The following CYP4X1 variants were observed in gnomAD, a reference collection of about 807,000 sequenced individuals.
The protein encoded by CYP4X1 is cytochrome P450 4X1.
In CYP4X1, 44 loss-of-function variants were observed where a neutral mutation model predicts 57.9. The observed-to-expected ratio is 0.76, with a 90% CI of 0.60 to 0.98. The LOEUF is 0.98. Among genes scored for constraint, CYP4X1 ranks in the 50% least tolerant of loss-of-function variants. The pLI is 0.00. For missense variants in CYP4X1, 532 were observed against 623.9 expected (o/e 0.85, Z 1.57); for synonymous variants, 227 against 228.6 (o/e 0.99, Z 0.06).
chr1:46,991,178 C>T, the CYP4X1 span, among the ~76,000 whole-genome samples: 1 of 152,102 alleles, frequency 6.6e-6, no homozygotes, highest in Non-Finnish European at 1.5e-5. Flanking sequence ...TGCGTTCTCT[C>T]AAGGTTCAAA....
chr1:46,961,788 C>T, the CYP4X1 span: 5 of 1,297,940 alleles, frequency 3.9e-6, no homozygotes, highest in East Asian at 2.2e-4. Context: ...TTGCCTTGCC[C>T]ACCCCAGACC....
chr1:46,971,706 C>T, the CYP4X1 span, among the ~76,000 whole-genome samples: 1 of 151,990 alleles, frequency 6.6e-6, no homozygotes, highest in South Asian at 2.1e-4. Flanking sequence ...TTTTCTTGGC[C>T]ACATGTATAT....
the CYP4X1 span, among the ~76,000 whole-genome samples, chr1:46,983,521 G>A: frequency 6.6e-6 from 1 of 152,238 alleles, no homozygotes; most frequent in Admixed American, 6.5e-5. Context: ...CCTCCCTACA[G>A]AAATGCAGAG....
At chr1:46,994,046 G>A in the CYP4X1 span, among the ~76,000 whole-genome samples, 1 of 152,062 alleles carries the variant, frequency 6.6e-6, no homozygotes, top group Non-Finnish European at 1.5e-5. Context: ...TTTTCTTCTG[G>A]GGTTTTTATG....
chr1:46,964,030 T>C, the CYP4X1 span, among the ~76,000 whole-genome samples: 2 of 152,266 alleles, frequency 1.3e-5, no homozygotes, highest in African/African-American at 2.4e-5. Flanking sequence ...TTCCAGTTGA[T>C]TGAATCGGCT....
At chr1:46,999,379 T>C in the CYP4X1 span, among the ~76,000 whole-genome samples, 3,377 of 152,290 alleles carry the variant, frequency 0.022, 132 homozygotes, top group African/African-American at 0.077. Flanking sequence ...TAGTAGTCGC[T>C]GAGGATCTTT....
the CYP4X1 span, among the ~76,000 whole-genome samples, chr1:46,962,783 TG>T: frequency 6.6e-6 from 1 of 152,198 alleles, no homozygotes; most frequent in Non-Finnish European, 1.5e-5. Flanking sequence ...GGTGCAGAGA[TG>T]AATTCAATTC....
chr1:47,040,873 G>C (rs1374533425), intron 8 of CYP4X1, among the ~76,000 whole-genome samples: 2 of 151,950 alleles, frequency 1.3e-5, no homozygotes, highest in African/African-American at 4.8e-5. Flanking sequence ...ATCACATATT[G>C]TACAATGCAT....
the CYP4X1 span, among the ~76,000 whole-genome samples, chr1:46,999,302 A>AT: frequency 2.6e-5 from 4 of 151,990 alleles, no homozygotes; most frequent in Admixed American, 2.6e-4. Context: ...CAATCTTGGG[A>AT]TTTTGTGTTT....
chr1:47,039,656 G>C, intron 8 of CYP4X1, 124 bp downstream of exon 8: 1 of 588,480 alleles, frequency 1.7e-6, no homozygotes, highest in Non-Finnish European at 2.6e-6. Flanking sequence ...GAAGAAGTAG[G>C]CTACTTTTCT....
At chr1:47,016,111 C>T in the CYP4X1 span, among the ~76,000 whole-genome samples, 1 of 151,976 alleles carries the variant, frequency 6.6e-6, no homozygotes, top group Non-Finnish European at 1.5e-5. Context: ...TCTCACCCTG[C>T]TGTTTCTTAA....
chr1:46,961,557 C>T, the CYP4X1 span: 12 of 1,225,344 alleles, frequency 9.8e-6, no homozygotes, highest in African/African-American at 4.7e-5. Flanking sequence ...GAGAGCTGCT[C>T]TTCCTGAGAA....
chr1:47,027,531 TATTCAATAC>T (rs1381504024), intron 1 of CYP4X1, among the ~76,000 whole-genome samples: 12 of 152,358 alleles, frequency 7.9e-5, no homozygotes, highest in Admixed American at 5.2e-4. Context: ...TCTTCAGAAA[TATTCAATAC>T]ATTATTGTTA....
the CYP4X1 span, among the ~76,000 whole-genome samples, chr1:47,009,173 G>A: frequency 2.6e-5 from 4 of 151,838 alleles, no homozygotes; most frequent in Non-Finnish European, 5.9e-5. Context: ...TGGCAGTAAA[G>A]CACTCCTCAA....
the CYP4X1 span, among the ~76,000 whole-genome samples, chr1:46,962,616 T>G: frequency 1.3e-5 from 2 of 152,122 alleles, no homozygotes; most frequent in Non-Finnish European, 2.9e-5. Flanking sequence ...GTCTGAGAGA[T>G]AGTTTGTTAT....
chr1:46,972,760 G>C, the CYP4X1 span, among the ~76,000 whole-genome samples: 7 of 152,084 alleles, frequency 4.6e-5, no homozygotes, highest in African/African-American at 1.7e-4. Flanking sequence ...GTGTAGAAAT[G>C]CTAGTGATTT....
the CYP4X1 span, among the ~76,000 whole-genome samples, chr1:46,962,505 G>A: frequency 6.6e-6 from 1 of 152,182 alleles, no homozygotes; most frequent in African/African-American, 2.4e-5. Flanking sequence ...ACTGTTTTCA[G>A]TGGTAAAGAG....
chr1:47,020,106 T>G (rs1643980408), upstream of CYP4X1, among the ~76,000 whole-genome samples: 1 of 152,204 alleles, frequency 6.6e-6, no homozygotes, highest in Admixed American at 6.5e-5. Context: ...CATCCTTCTC[T>G]CTGAGACTTG....
intron 8 of CYP4X1, among the ~76,000 whole-genome samples, chr1:47,041,958 T>C (rs1644251163): frequency 6.6e-6 from 1 of 152,132 alleles, no homozygotes; most frequent in Admixed American, 6.6e-5. Context: ...TTTTTGTATA[T>C]GGAGTGAGAT....
Sources: gnomAD v4.1 joint callset for allele counts (sites outside exome capture counted in the v4.1 genomes callset) on GRCh38, gnomAD v4.1.1 for gene constraint, MANE v1.5 for transcripts, NCBI Gene and HGNC (gene_info 2026-07-23, HGNC 2026-07-21) for gene names.